The following MYLK variants were observed in gnomAD, a reference collection of about 807,000 sequenced individuals.
MYLK encodes the protein myosin light chain kinase.
A neutral mutation model predicts 203.4 loss-of-function variants in MYLK; 106 were observed. The ratio of observed to expected loss-of-function variants is 0.52; its 90% confidence interval spans 0.45 to 0.61. The LOEUF (loss-of-function observed/expected upper bound fraction) is 0.61, where lower values mean the gene tolerates loss of function less well. Ranked by LOEUF, MYLK falls within the 20% of genes least tolerant of loss-of-function variation. The pLI is 0.00. For missense variants in MYLK, 2,072 were observed against 2,442.3 expected, an observed-to-expected ratio of 0.85 and a Z score of 3.20; for synonymous variants, 867 against 959.5, an observed-to-expected ratio of 0.90 and a Z score of 1.78.
chr3:123,754,767 G>T (rs1327595812), intron 4 of MYLK, among the ~76,000 whole-genome samples: 2 of 152,124 alleles, frequency 1.3e-5, no homozygotes, highest in African/African-American at 4.8e-5. Context: ...ACAGAAAAAA[G>T]AATTTTACTT....
At position 123,782,460 on chromosome 3, in the gene MYLK, G is replaced by C. The variant is rs185329283; in HGVS notation, c.165+11217C>G. On this transcript the variant is annotated intron_variant, in intron 4 of 33. Transcript: ENST00000360304. ...TCAACTCACATTGGTCATTATTTAT[G>C]AAAGTAGTGTCTTACTTATTAACTT... Among the ~76,000 whole-genome samples the C allele has an allele frequency of 2.4e-3, 367 of 152,342 alleles. 5 individuals are homozygous for C. The highest frequency in any genetic ancestry group is 3.0e-3 in the Non-Finnish European group (202 of 68,028).
At chr3:123,759,380 G>A (rs897162453) in intron 4 of MYLK, among the ~76,000 whole-genome samples, 1 of 152,150 alleles carries the variant, frequency 6.6e-6, no homozygotes, top group Non-Finnish European at 1.5e-5. Context: ...ACTCTTCTGT[G>A]GCAGCTCTCC....
intron 4 of MYLK, among the ~76,000 whole-genome samples, chr3:123,759,579 T>C (rs1378812): frequency 0.079 from 12,023 of 152,268 alleles, 547 homozygotes; most frequent in African/African-American, 0.12. Context: ...TTTCCACCCA[T>C]TATGTGTTAG....
At chr3:123,690,124 C>T (rs1415133101) in intron 19 of MYLK, among the ~76,000 whole-genome samples, 1 of 152,186 alleles carries the variant, frequency 6.6e-6, no homozygotes, top group Non-Finnish European at 1.5e-5. Context: ...CTGAAGTCAG[C>T]ACCAGCTGTA....
chr3:123,785,774 G>A (rs959804969), intron 4 of MYLK, among the ~76,000 whole-genome samples: 1 of 152,186 alleles, frequency 6.6e-6, no homozygotes, highest in Non-Finnish European at 1.5e-5. Context: ...GTAGCCATTA[G>A]CCCCATGTGA....
At chr3:123,853,058 C>G (rs531318220) in intron 2 of MYLK, among the ~76,000 whole-genome samples, 1 of 151,614 alleles carries the variant, frequency 6.6e-6, no homozygotes, top group South Asian at 2.1e-4. Context: ...CTTATCTTGT[C>G]AAAAAAGCTC....
chr3:123,635,556 A>G (rs1168873329), intron 29 of MYLK, among the ~76,000 whole-genome samples: 2 of 152,180 alleles, frequency 1.3e-5, no homozygotes, highest in African/African-American at 2.4e-5. Flanking sequence ...CCCTCCTGAC[A>G]ACCCTCTGCC....
intron 19 of MYLK, chr3:123,692,265 G>T: frequency 3.7e-6 from 4 of 1,078,756 alleles, no homozygotes; most frequent in Non-Finnish European, 4.5e-6. Context: ...TCTGTCCAGA[G>T]ACTCAGCCCC....
At chr3:123,811,834 G>A (rs1317672399) in intron 3 of MYLK, among the ~76,000 whole-genome samples, 1 of 152,156 alleles carries the variant, frequency 6.6e-6, no homozygotes, top group Admixed American at 6.5e-5. Flanking sequence ...GCCCCTCCAG[G>A]TGTGATTGAT....
intron 24 of MYLK, among the ~76,000 whole-genome samples, chr3:123,651,440 C>A (rs1425411504): frequency 6.6e-6 from 1 of 152,184 alleles, no homozygotes; most frequent in African/African-American, 2.4e-5. Flanking sequence ...TGGACTAGGT[C>A]TTCGACACAG....
chr3:123,764,086 T>C (rs1036537367), intron 4 of MYLK, among the ~76,000 whole-genome samples: 2 of 152,238 alleles, frequency 1.3e-5, no homozygotes, highest in Non-Finnish European at 2.9e-5. Flanking sequence ...AAAAACCCTT[T>C]TTCAGTTTCT....
chr3:123,769,109 A>G (rs190023745), intron 4 of MYLK, among the ~76,000 whole-genome samples: 1 of 152,306 alleles, frequency 6.6e-6, no homozygotes, highest in Admixed American at 6.5e-5. Flanking sequence ...GAGACAACTA[A>G]TCACCATGAC....
chr3:123,675,444 G>A (rs189890104), intron 20 of MYLK, among the ~76,000 whole-genome samples: 3 of 152,286 alleles, frequency 2.0e-5, no homozygotes, highest in South Asian at 2.1e-4. Flanking sequence ...TGAATGCCTC[G>A]CTCTGAAACA....
intron 11 of MYLK, among the ~76,000 whole-genome samples, chr3:123,728,427 A>C (rs539754942): frequency 1.3e-5 from 2 of 152,274 alleles, no homozygotes; most frequent in East Asian, 3.9e-4. Context: ...GGATTGCTTG[A>C]GCCCAAGAGT....
chr3:123,740,030 T>A, intron 5 of MYLK, 29 bp from the exon 6 acceptor site: 1 of 1,613,106 alleles, frequency 6.2e-7, no homozygotes, highest in Non-Finnish European at 8.5e-7. Flanking sequence ...ATGAGTCAGG[T>A]CTGAGCCACC....
intron 4 of MYLK, among the ~76,000 whole-genome samples, chr3:123,760,252 C>T (rs2063491721): frequency 6.6e-6 from 1 of 152,192 alleles, no homozygotes; most frequent in Non-Finnish European, 1.5e-5. Context: ...GATCTTGGCT[C>T]ACCGCAACCT....
intron 20 of MYLK, among the ~76,000 whole-genome samples, chr3:123,677,900 TATATATATATATATATATACAC>T (rs1351330307): frequency 5.6e-5 from 5 of 88,998 alleles, no homozygotes; most frequent in African/African-American, 9.9e-5. Flanking sequence ...TATATATATA[TATATATATATATATATATACAC>T]ACACACACAC....
intron 5 of MYLK, among the ~76,000 whole-genome samples, chr3:123,750,194 A>G (rs2063150150): frequency 6.6e-6 from 1 of 152,258 alleles, no homozygotes; most frequent in South Asian, 2.1e-4. Context: ...GCTGTTCTCT[A>G]TCTCCTAGAG....
chr3:123,735,294 C>A, intron 9 of MYLK, 104 bp downstream of exon 9: 4 of 1,478,996 alleles, frequency 2.7e-6, no homozygotes, highest in Non-Finnish European at 3.8e-6. Flanking sequence ...ATGGCCAATT[C>A]TTCTGCCCCA....
Sources: gnomAD v4.1 joint callset for allele counts (sites outside exome capture counted in the v4.1 genomes callset) on GRCh38, gnomAD v4.1.1 for gene constraint, MANE v1.5 for transcripts, NCBI Gene and HGNC (gene_info 2026-07-23, HGNC 2026-07-21) for gene names.